The following GRIK1 variants were observed in gnomAD, a reference collection of about 807,000 sequenced individuals.
The protein encoded by GRIK1 is glutamate receptor ionotropic, kainate 1.
A neutral mutation model predicts 105.7 loss-of-function variants in GRIK1; 69 were observed. The observed-to-expected ratio is 0.65, with a 90% CI of 0.54 to 0.80. The LOEUF (loss-of-function observed/expected upper bound fraction) is 0.80. GRIK1 is among the 30% of genes least tolerant of loss of function. The probability of loss-of-function intolerance (pLI) is 0.00; values close to 1 mark genes in which losing one functional copy is unlikely to be tolerated. For synonymous variants in GRIK1, 438 were observed against 431.3 expected (o/e 1.02, Z -0.19); for missense variants, 1,109 against 1,167.3 (o/e 0.95, Z 0.73).
At chr21:29,581,691 A>G (rs1488928484) in intron 12 of GRIK1, 148 bp from the exon 13 acceptor site, 1 of 575,382 alleles carries the variant, frequency 1.7e-6, no homozygotes, top group Non-Finnish European at 3.1e-6. Context: ...TCATAAACTT[A>G]CAGCTTTGGT....
Position 29,877,935 on chromosome 21 carries a change from C to A in GRIK1, c.118+61448G>T, listed in dbSNP as rs559160804. ...CTTGAATACAAGACCAATGAAAAAACACGATAAAAGAAGTAGGAAAGAACA... is the reference window on the plus strand; with the variant it reads ...CTTGAATACAAGACCAATGAAAAAAAACGATAAAAGAAGTAGGAAAGAACA... On this transcript the variant is annotated intron_variant, in intron 1 of 17. Transcript: ENST00000327783. Among the ~76,000 whole-genome samples the A allele has an allele frequency of 1.4e-4, 21 of 152,134 alleles. No individual in the cohort carries two copies. In the South Asian group the frequency reaches 1.7e-3, roughly 12 times the overall value.
At chr21:29,690,035 G>A (rs748100293) in intron 2 of GRIK1, 50 bp from the exon 3 acceptor site, 2 of 1,439,578 alleles carry the variant, frequency 1.4e-6, no homozygotes, top group Admixed American at 1.8e-5. Flanking sequence ...AGGGAAAGGG[G>A]GAGAGAAAAA....
At chr21:29,853,588 G>C (rs746718229) in intron 1 of GRIK1, among the ~76,000 whole-genome samples, 1 of 152,152 alleles carries the variant, frequency 6.6e-6, no homozygotes, top group Non-Finnish European at 1.5e-5. Context: ...CCCCAATCTA[G>C]CTTTTTGGAG....
rs1378641058 is a variant in GRIK1, at chr21:29,870,403, A to C, written c.118+68980T>G. ...ATATTGCCTTTATCTTTCCTTTGTT[A>C]GCATTATACTTACTTTGTACAAATC... On this transcript the variant is annotated intron_variant, in intron 1 of 17. Coordinates refer to ENST00000327783, the MANE Select transcript of GRIK1 (RefSeq NM_001330994.2). 2.0e-5 allele frequency among the ~76,000 whole-genome samples: 3 copies of C among 152,090 alleles called. No homozygotes were observed. In the East Asian group the frequency reaches 5.8e-4, roughly 29 times the overall value.
chr21:29,564,125 T>A (rs1467055688), intron 14 of GRIK1, among the ~76,000 whole-genome samples: 3 of 152,216 alleles, frequency 2.0e-5, no homozygotes, highest in Non-Finnish European at 2.9e-5. Flanking sequence ...TATGAAACAT[T>A]AAATTTTTTC....
chr21:29,544,328 A>C (rs2090017647), intron 16 of GRIK1, among the ~76,000 whole-genome samples: 1 of 152,200 alleles, frequency 6.6e-6, no homozygotes, highest in African/African-American at 2.4e-5. Flanking sequence ...AAAATTTTGC[A>C]CATGGGGTGG....
chr21:29,649,058 G>A (rs1363389117), intron 6 of GRIK1, among the ~76,000 whole-genome samples: 1 of 152,144 alleles, frequency 6.6e-6, no homozygotes, highest in African/African-American at 2.4e-5. Context: ...TTGATCAAAC[G>A]GAGGTCCTTT....
rs7278722 is a variant in GRIK1, at chr21:29,645,710, T to C, written c.955-2741A>G. Among the ~76,000 whole-genome samples the C allele has an allele frequency of 2.3e-3, 350 of 152,314 alleles. 3 individuals are homozygous for C. The highest frequency in any genetic ancestry group is 8.1e-3 in the African/African-American group (335 of 41,568). Reference sequence around the variant, plus strand: ...TTCAGTTTTGTGCTCGAGGCCTGCTTACTGAATGACTGTCATCATTTTAGG... The same window carrying C: ...TTCAGTTTTGTGCTCGAGGCCTGCTCACTGAATGACTGTCATCATTTTAGG... On this transcript the variant is annotated intron_variant, in intron 6 of 17. Coordinates refer to ENST00000327783, the MANE Select transcript of GRIK1 (RefSeq NM_001330994.2).
intron 7 of GRIK1, chr21:29,630,402 A>C (rs1036702127): frequency 1.4e-5 from 6 of 420,910 alleles, no homozygotes; most frequent in Non-Finnish European, 2.4e-5. Context: ...TTGCGATGCA[A>C]TTAGGTATCT....
intron 4 of GRIK1, among the ~76,000 whole-genome samples, chr21:29,666,310 G>C (rs1248101520): frequency 6.6e-6 from 1 of 152,168 alleles, no homozygotes; most frequent in Non-Finnish European, 1.5e-5. Context: ...GGCTGAGGCA[G>C]GAGAATCGCT....
chr21:29,896,295 TC>T (rs936202838), intron 1 of GRIK1, among the ~76,000 whole-genome samples: 1 of 152,180 alleles, frequency 6.6e-6, no homozygotes, highest in African/African-American at 2.4e-5. Flanking sequence ...CGTGAGCTTT[TC>T]CCCTGGGTAC....
chr21:29,939,626 CCCCA>C lies in GRIK1; in HGVS notation c.-130_-127del. ...TCCGGTTCCAAGCACGCTGCGCGCTCCCCACGGAGCGAGCTCGAGGGAACCCGCG... is the reference window on the plus strand; with the variant it reads ...TCCGGTTCCAAGCACGCTGCGCGCTCCGGAGCGAGCTCGAGGGAACCCGCG... On this transcript the variant is annotated 5_prime_UTR_variant, in exon 1 of 18. Transcript: ENST00000327783. 1 of 604,024 alleles carries C rather than the reference CCCCA, an allele frequency of 1.7e-6. No homozygotes were observed. The highest frequency in any genetic ancestry group is 2.8e-6 in the Non-Finnish European group (1 of 358,892). 37.4% of individuals were successfully genotyped at this position (604,024 alleles called of 1,614,324 possible). A position where few individuals can be genotyped will look rare whatever the true frequency, so the allele number is the denominator to read the frequency against.
At chr21:29,870,257 T>A (rs1298498892) in intron 1 of GRIK1, among the ~76,000 whole-genome samples, 1 of 152,102 alleles carries the variant, frequency 6.6e-6, no homozygotes, top group Non-Finnish European at 1.5e-5. Flanking sequence ...TTCTGTTTTT[T>A]TAATTGAGAT....
At chr21:29,824,219 T>G (rs1377070697) in intron 1 of GRIK1, among the ~76,000 whole-genome samples, 1 of 152,032 alleles carries the variant, frequency 6.6e-6, no homozygotes, top group Non-Finnish European at 1.5e-5. Context: ...TGTTTTACCA[T>G]CTCATCATTA....
At chr21:29,553,426 C>T in intron 16 of GRIK1, 2 of 1,381,764 alleles carry the variant, frequency 1.4e-6, no homozygotes, top group Non-Finnish European at 1.9e-6. Flanking sequence ...GTCTAGAATA[C>T]ATGAGTTTTG....
rs192816122 is a variant in GRIK1, at chr21:29,689,185, G to A, written c.544+543C>T. Among the ~76,000 whole-genome samples, 621 of 152,194 alleles carry A rather than the reference G, an allele frequency of 4.1e-3. 1 individual carries two copies. The highest frequency in any genetic ancestry group is 4.3e-3 in the Non-Finnish European group (294 of 68,006). ...CTGATGAGGACTGGACTCCAAGCAG[G>A]CATATTTCCATCCTGCACCCTGAAC... On this transcript the variant is annotated intron_variant, in intron 3 of 17. Transcript: ENST00000327783.
Position 29,869,867 on chromosome 21 carries a change from G to A in GRIK1, c.118+69516C>T, listed in dbSNP as rs556471139. On this transcript the variant is annotated intron_variant, in intron 1 of 17. Transcript: ENST00000327783. ...GTATTTTCTCACAATCTATTTTCAA[G>A]GCATATTTCCCCCCATAACTGAGTA... Among the ~76,000 whole-genome samples, 4 of 152,152 alleles carry A rather than the reference G, an allele frequency of 2.6e-5. No homozygotes were observed. The South Asian group carries it at 8.3e-4, about 32-fold the overall frequency.
rs561404465 is a variant in GRIK1 at position 29,754,328 on chromosome 21, T to C, written c.119-60265A>G. On this transcript the variant is annotated intron_variant, in intron 1 of 17. Transcript: ENST00000327783. ...GGAGATCGATGCTTACACATATGCG[T>C]CATGCCTACAAAGACTGAGGTCCCA... Among the ~76,000 whole-genome samples the C allele has an allele frequency of 4.6e-5, 7 of 152,260 alleles. No individual in the cohort carries two copies. In the South Asian group the frequency reaches 1.5e-3, roughly 32 times the overall value.
At chr21:29,727,523 C>T (rs2064499848) in intron 1 of GRIK1, among the ~76,000 whole-genome samples, 1 of 152,096 alleles carries the variant, frequency 6.6e-6, no homozygotes, top group Admixed American at 6.5e-5. Flanking sequence ...GGCCAGGCCA[C>T]CCATGGTGGG....
Sources: gnomAD v4.1 joint callset for allele counts (sites outside exome capture counted in the v4.1 genomes callset) on GRCh38, gnomAD v4.1.1 for gene constraint, MANE v1.5 for transcripts, NCBI Gene and HGNC (gene_info 2026-07-23, HGNC 2026-07-21) for gene names.